Variants in ASPRV1 observed in about 807,000 individuals in gnomAD.
ASPRV1 encodes retroviral-like aspartic protease 1.
ASPRV1 carries 7 observed loss-of-function variants against 11.0 expected under a neutral mutation model. That is an observed-to-expected ratio of 0.64 (90% CI 0.36 to 1.20). ASPRV1 has a LOEUF of 1.20. Among genes scored for constraint, ASPRV1 ranks in the 50% most tolerant of loss-of-function variants. The probability of loss-of-function intolerance (pLI) is 0.02; values close to 1 mark genes in which losing one functional copy is unlikely to be tolerated. For synonymous variants in ASPRV1, 136 were observed against 138.4 expected (o/e 0.98, Z 0.12); for missense variants, 299 against 320.0 (o/e 0.93, Z 0.50).
the ASPRV1 span, among the ~76,000 whole-genome samples, chr2:70,061,138 G>A: frequency 6.6e-6 from 1 of 152,202 alleles, no homozygotes; most frequent in East Asian, 1.9e-4. Context: ...GCTCATGCCT[G>A]TAATCCCAGC....
rs765602201 is a variant in ASPRV1, at chr2:69,961,545, G to A, written c.-109C>T. On this transcript the variant is annotated 5_prime_UTR_variant, in exon 1 of 1. Transcript: ENST00000320256. ...AAAACGGGGCCTCTCGAAGCAGAGT[G>A]GGGATGACTTGCCCGGCCTTGGGCA... 19 of 1,613,660 alleles carry A rather than the reference G, an allele frequency of 1.2e-5. No homozygotes were observed. The highest frequency in any genetic ancestry group is 5.0e-5 in the Admixed American group (3 of 60,004).
chr2:69,988,180 C>G, the ASPRV1 span, among the ~76,000 whole-genome samples: 2 of 152,174 alleles, frequency 1.3e-5, no homozygotes, highest in South Asian at 2.1e-4. Flanking sequence ...CCCAAAAGAA[C>G]TGAAAGCAGG....
At chr2:69,944,285 G>A in the ASPRV1 span, among the ~76,000 whole-genome samples, 7 of 152,180 alleles carry the variant, frequency 4.6e-5, 1 homozygote, top group South Asian at 2.1e-4. Flanking sequence ...TCTTATTTCC[G>A]AAGTTTCCTG....
chr2:70,039,991 A>C, the ASPRV1 span, among the ~76,000 whole-genome samples: 1 of 152,208 alleles, frequency 6.6e-6, no homozygotes, highest in African/African-American at 2.4e-5. Flanking sequence ...AAAGGGAAAG[A>C]GAATGGTGTG....
chr2:69,997,651 G>C, the ASPRV1 span, among the ~76,000 whole-genome samples: 2 of 152,182 alleles, frequency 1.3e-5, no homozygotes, highest in Admixed American at 1.3e-4. Flanking sequence ...GGGGCCGCCT[G>C]CTGGCTTCCC....
the ASPRV1 span, among the ~76,000 whole-genome samples, chr2:69,949,908 C>T: frequency 6.6e-6 from 1 of 152,160 alleles, no homozygotes; most frequent in African/African-American, 2.4e-5. Context: ...CTCCGCCTCC[C>T]GGGTTCAAGC....
the ASPRV1 span, among the ~76,000 whole-genome samples, chr2:69,953,696 C>CT: frequency 1.4e-5 from 2 of 139,868 alleles, no homozygotes; most frequent in Admixed American, 7.6e-5. Context: ...ACTTAATTTT[C>CT]TTTTTTTTTC....
At chr2:69,970,623 G>A in the ASPRV1 span, 2 of 152,302 alleles carry the variant, frequency 1.3e-5, no homozygotes, top group Non-Finnish European at 2.9e-5. Flanking sequence ...CTCCTCTAAG[G>A]TGCTATCATA....
the ASPRV1 span, among the ~76,000 whole-genome samples, chr2:70,027,354 C>G: frequency 6.8e-6 from 1 of 146,530 alleles, no homozygotes; most frequent in African/African-American, 2.5e-5. Flanking sequence ...CCTCAAGAAA[C>G]TAAAAATATA....
chr2:69,947,798 C>G, the ASPRV1 span, among the ~76,000 whole-genome samples: 3 of 152,028 alleles, frequency 2.0e-5, no homozygotes, highest in African/African-American at 7.2e-5. Flanking sequence ...ACAAACTTGC[C>G]AAGGACTAGG....
the ASPRV1 span, chr2:70,086,181 C>A: frequency 6.6e-6 from 1 of 151,964 alleles, no homozygotes; most frequent in South Asian, 2.1e-4. Flanking sequence ...TGGAAGGCCC[C>A]GGGGAGGAAG....
the ASPRV1 span, among the ~76,000 whole-genome samples, chr2:69,974,403 T>A: frequency 2.6e-5 from 4 of 152,170 alleles, no homozygotes; most frequent in East Asian, 7.7e-4. Context: ...TTAATATAAT[T>A]CATTTAATTG....
chr2:70,032,123 G>A, the ASPRV1 span: 1 of 152,178 alleles, frequency 6.6e-6, no homozygotes, highest in African/African-American at 2.4e-5. Context: ...GAAAATCAAA[G>A]TGTTCTTACC....
chr2:70,077,842 C>T, the ASPRV1 span, among the ~76,000 whole-genome samples: 11 of 147,712 alleles, frequency 7.4e-5, no homozygotes, highest in East Asian at 1.8e-3. Context: ...ACAACAAGAG[C>T]GAAACTCTGT....
the ASPRV1 span, among the ~76,000 whole-genome samples, chr2:69,952,873 A>C: frequency 6.6e-6 from 1 of 152,176 alleles, no homozygotes; most frequent in East Asian, 1.9e-4. Flanking sequence ...AATGCCCCTA[A>C]GTCCTGTTGG....
the ASPRV1 span, among the ~76,000 whole-genome samples, chr2:69,986,908 C>T: frequency 1.3e-5 from 2 of 152,206 alleles, no homozygotes; most frequent in Admixed American, 6.5e-5. Context: ...TCGCACAGTA[C>T]ACAACACATA....
chr2:70,048,897 C>A, the ASPRV1 span: 1 of 152,346 alleles, frequency 6.6e-6, no homozygotes, highest in Non-Finnish European at 1.5e-5. Context: ...CCTCCATCTT[C>A]ATGTGGCCAT....
chr2:70,074,284 A>G, the ASPRV1 span, among the ~76,000 whole-genome samples: 1 of 149,796 alleles, frequency 6.7e-6, no homozygotes, highest in African/African-American at 2.5e-5. Flanking sequence ...GAGGCCATCT[A>G]GAGCAACTGC....
downstream of ASPRV1, among the ~76,000 whole-genome samples, chr2:69,958,902 C>T (rs1460624581): frequency 1.3e-5 from 2 of 152,180 alleles, no homozygotes; most frequent in African/African-American, 4.8e-5. Flanking sequence ...CCTCCTGATC[C>T]CACACCTGTC....
Sources: allele counts gnomAD v4.1 joint callset (sites outside exome capture counted in the v4.1 genomes callset), GRCh38; gene constraint gnomAD v4.1.1; transcripts MANE v1.5; gene names NCBI Gene and HGNC (gene_info 2026-07-23, HGNC 2026-07-21).